ATG5: variants seen among roughly 807,000 people sequenced by gnomAD.
ATG5 encodes autophagy related 5, also known as autophagy protein 5.
ATG5 carries 14 observed loss-of-function variants against 36.5 expected under a neutral mutation model. The ratio of observed to expected loss-of-function variants is 0.38; its 90% CI spans 0.25 to 0.60. The LOEUF (loss-of-function observed/expected upper bound fraction) is 0.60, where lower values mean the gene tolerates loss of function less well. Ranked by LOEUF, ATG5 falls within the 20% of genes least tolerant of loss-of-function variation. ATG5 has a pLI of 0.60. For synonymous variants in ATG5, 95 were observed against 101.5 expected (o/e 0.94, Z 0.38); for missense variants, 195 against 326.7 (o/e 0.60, Z 3.11).
chr6:106,295,465 T>A (rs72945545), intron 3 of ATG5, among the ~76,000 whole-genome samples: 3 of 152,352 alleles, frequency 2.0e-5, no homozygotes, highest in South Asian at 2.1e-4. Flanking sequence ...GTTTTACATA[T>A]TCCCTGCCAT....
chr6:106,299,021 T>C (rs562144626), intron 3 of ATG5, among the ~76,000 whole-genome samples: 1 of 152,330 alleles, frequency 6.6e-6, no homozygotes, highest in East Asian at 1.9e-4. Flanking sequence ...ATACCCTAAG[T>C]AAATCATAAC....
chr6:106,256,013 A>T (rs1778785115), intron 5 of ATG5, among the ~76,000 whole-genome samples: 1 of 152,230 alleles, frequency 6.6e-6, no homozygotes, highest in African/African-American at 2.4e-5. Context: ...AGGGCCAGAA[A>T]CAAATTTAAT....
At chr6:106,293,273 T>A (rs1344070204) in intron 3 of ATG5, among the ~76,000 whole-genome samples, 167 bp from the exon 4 acceptor site, 1 of 152,220 alleles carries the variant, frequency 6.6e-6, no homozygotes, top group East Asian at 1.9e-4. Flanking sequence ...TATGATCTAC[T>A]TTCCAGGCAT....
chr6:106,281,424 A>C (rs368582938), intron 4 of ATG5, among the ~76,000 whole-genome samples: 4 of 152,210 alleles, frequency 2.6e-5, no homozygotes, highest in African/African-American at 9.6e-5. Flanking sequence ...ATCTCATATA[A>C]ACAGAATTGC....
intron 6 of ATG5, among the ~76,000 whole-genome samples, chr6:106,212,488 A>G (rs1377472416): frequency 6.6e-6 from 1 of 152,098 alleles, no homozygotes; most frequent in Non-Finnish European, 1.5e-5. Context: ...AAAATACAAA[A>G]ATTAGCCGGG....
At chr6:106,323,552 T>C (rs934490349) in intron 1 of ATG5, among the ~76,000 whole-genome samples, 1 of 152,168 alleles carries the variant, frequency 6.6e-6, no homozygotes, top group African/African-American at 2.4e-5. Flanking sequence ...TTATATTCTT[T>C]AGTTGCTCAG....
At chr6:106,224,806 G>T (rs368677033) in intron 6 of ATG5, among the ~76,000 whole-genome samples, 34 of 152,178 alleles carry the variant, frequency 2.2e-4, no homozygotes, top group African/African-American at 7.9e-4. Context: ...GCTTGAACCC[G>T]GGAGGCGGAG....
At chr6:106,227,785 T>C (rs1008232681) in intron 6 of ATG5, among the ~76,000 whole-genome samples, 1 of 152,240 alleles carries the variant, frequency 6.6e-6, no homozygotes, top group Non-Finnish European at 1.5e-5. Context: ...TGCACTGTTC[T>C]GGTTATTGTC....
chr6:106,290,252 T>A (rs1780251176), intron 4 of ATG5, among the ~76,000 whole-genome samples: 3 of 146,970 alleles, frequency 2.0e-5, no homozygotes, highest in Non-Finnish European at 3.0e-5. Flanking sequence ...CTATTTTATT[T>A]TATTTTATTT....
At chr6:106,312,512 A>G (rs1770685583) in intron 2 of ATG5, among the ~76,000 whole-genome samples, 1 of 152,110 alleles carries the variant, frequency 6.6e-6, no homozygotes, top group African/African-American at 2.4e-5. Context: ...AGACATAAAA[A>G]TGGACAAGAA....
chr6:106,234,226 A>T (rs577508086), intron 6 of ATG5, among the ~76,000 whole-genome samples: 1 of 152,130 alleles, frequency 6.6e-6, no homozygotes, highest in Non-Finnish European at 1.5e-5. Flanking sequence ...ATCTCTTAAA[A>T]CTACATGAAA....
At position 106,293,083 on chromosome 6, in the gene ATG5, A is replaced by T; in HGVS notation, c.260T>A (p.Phe87Tyr). 1.2e-6 allele frequency: 2 copies of T among 1,613,542 alleles called. No individual in the cohort carries two copies. The highest frequency in any genetic ancestry group is 1.7e-6 in the Non-Finnish European group (2 of 1,179,588). ...LKWHYPIGLLFDLLASSSALP... is the reference protein window; with the variant it reads ...LKWHYPIGLLYDLLASSSALP... The stretch of plus-strand genomic sequence containing the variant: ...AGCTGAACTTGATGCAAGAAGATCA[A>T]ATAGCAAACCAATTGGATAATGCCT... Residue 87 changes from phenylalanine (F) to tyrosine (Y), a missense_variant, in exon 4 of 8, where the codon TTT becomes TAT. Transcript: ENST00000369076.
chr6:106,279,014 T>A (rs1190658316), intron 5 of ATG5, among the ~76,000 whole-genome samples: 3 of 152,188 alleles, frequency 2.0e-5, no homozygotes, highest in Non-Finnish European at 4.4e-5. Flanking sequence ...GTTACTTAAC[T>A]AAACCATGAT....
At chr6:106,317,336 T>C (rs1770888556) in intron 1 of ATG5, among the ~76,000 whole-genome samples, 1 of 152,226 alleles carries the variant, frequency 6.6e-6, no homozygotes, top group African/African-American at 2.4e-5. Context: ...GAAAACACTC[T>C]AAATAATCTT....
At chr6:106,218,829 T>G (rs550243770) in intron 6 of ATG5, among the ~76,000 whole-genome samples, 1 of 152,156 alleles carries the variant, frequency 6.6e-6, no homozygotes, top group Non-Finnish European at 1.5e-5. Context: ...AAACTTTAAA[T>G]GTAAGTTAAT....
At chr6:106,221,847 C>T (rs902022345) in intron 6 of ATG5, among the ~76,000 whole-genome samples, 1 of 151,912 alleles carries the variant, frequency 6.6e-6, no homozygotes, top group Admixed American at 6.6e-5. Context: ...TCAGTAAGGT[C>T]AATTTTTACA....
At chr6:106,233,812 C>T (rs1053535474) in intron 6 of ATG5, among the ~76,000 whole-genome samples, 1 of 152,048 alleles carries the variant, frequency 6.6e-6, no homozygotes, top group African/African-American at 2.4e-5. Flanking sequence ...TTCTCTTACC[C>T]CCTTTCACTC....
At chr6:106,319,378 A>G (rs1242085470) in intron 1 of ATG5, among the ~76,000 whole-genome samples, 1 of 152,234 alleles carries the variant, frequency 6.6e-6, no homozygotes, top group Non-Finnish European at 1.5e-5. Flanking sequence ...ATAATATGCA[A>G]TTTAGAGTCA....
At chr6:106,288,934 A>ATGTG (rs139396189) in intron 4 of ATG5, among the ~76,000 whole-genome samples, 97 of 151,040 alleles carry the variant, frequency 6.4e-4, no homozygotes, top group African/African-American at 2.2e-3. Flanking sequence ...ACTGATCCAA[A>ATGTG]TGTGTGTGTG....
Sources: allele counts gnomAD v4.1 joint callset (sites outside exome capture counted in the v4.1 genomes callset), GRCh38; gene constraint gnomAD v4.1.1; transcripts MANE v1.5; gene names NCBI Gene and HGNC (gene_info 2026-07-23, HGNC 2026-07-21).